Variants in GRIA2 observed in about 807,000 individuals in gnomAD.
The protein encoded by GRIA2 is glutamate receptor 2.
A neutral mutation model predicts 97.3 loss-of-function variants in GRIA2; 14 were observed. That is an observed-to-expected ratio of 0.14 (90% CI 0.10 to 0.23). The LOEUF is 0.23. GRIA2 is among the 10% of genes least tolerant of loss of function. The pLI is 1.00. For synonymous variants in GRIA2, 412 were observed against 387.8 expected, an observed-to-expected ratio of 1.06 and a Z score of -0.73; for missense variants, 558 against 1,069.8, an observed-to-expected ratio of 0.52 and a Z score of 6.67.
chr4:157,332,352 G>A (rs968983562), intron 6 of GRIA2, among the ~76,000 whole-genome samples: 3 of 152,016 alleles, frequency 2.0e-5, no homozygotes, highest in African/African-American at 7.2e-5. Flanking sequence ...GCAGATCAGT[G>A]TGAACATGAC....
At position 157,361,664 on chromosome 4, in the gene GRIA2, C is replaced by A; in HGVS notation, c.2406+540C>A. ...ACTCTGGAAGTAAGGTCAGTTGCTG[C>A]AGGTTTTATGTGAAAAAACAAAATC... On this transcript the variant is annotated intron_variant, in intron 14 of 15. Transcript: ENST00000264426. This position sits in a 1 kb window ranked among gnomAD's most constrained non-coding sequence, Gnocchi z 5.2. The A allele has an allele frequency of 6.3e-7, 1 of 1,579,472 alleles. No homozygotes were observed.
intron 2 of GRIA2, among the ~76,000 whole-genome samples, chr4:157,299,472 T>C (rs1469796605): frequency 6.6e-6 from 1 of 152,110 alleles, no homozygotes; most frequent in Non-Finnish European, 1.5e-5. Flanking sequence ...CTTATAAATC[T>C]AAAATATGTA....
chr4:157,275,958 A>G (rs1238704753), intron 2 of GRIA2, among the ~76,000 whole-genome samples: 1 of 152,146 alleles, frequency 6.6e-6, no homozygotes, highest in African/African-American at 2.4e-5. Flanking sequence ...CTTGGGCAGT[A>G]TGGCCATTTT....
chr4:157,224,164 C>A (rs1235087969), intron 2 of GRIA2, among the ~76,000 whole-genome samples: 1 of 152,106 alleles, frequency 6.6e-6, no homozygotes, highest in African/African-American at 2.4e-5. Context: ...TTTTCCCCTC[C>A]TCAGGAAGTG....
intron 2 of GRIA2, among the ~76,000 whole-genome samples, chr4:157,240,305 C>T (rs1730446831): frequency 6.6e-6 from 1 of 152,010 alleles, no homozygotes; most frequent in Non-Finnish European, 1.5e-5. Flanking sequence ...TATTTCTATT[C>T]CTCAGAATAC....
intron 2 of GRIA2, among the ~76,000 whole-genome samples, chr4:157,242,441 A>G (rs1463146178): frequency 2.6e-5 from 4 of 152,072 alleles, no homozygotes; most frequent in African/African-American, 9.7e-5. Flanking sequence ...CATGTGAATA[A>G]TATGTTTATG....
intron 12 of GRIA2, among the ~76,000 whole-genome samples, chr4:157,354,681 A>G (rs1406940200): frequency 6.6e-6 from 1 of 152,166 alleles, no homozygotes; most frequent in East Asian, 1.9e-4. Context: ...AGAAATCAAG[A>G]GAAACTACCA....
chr4:157,328,579 G>T (rs1734910211), intron 6 of GRIA2, among the ~76,000 whole-genome samples: 1 of 151,988 alleles, frequency 6.6e-6, no homozygotes, highest in Non-Finnish European at 1.5e-5. Flanking sequence ...CAAAATAAAA[G>T]ATCTGCTTCT....
chr4:157,362,879 G>A lies in GRIA2; in HGVS notation c.2487G>A (p.Leu829=). 1 of 1,613,528 alleles carries A rather than the reference G, an allele frequency of 6.2e-7. No homozygotes were observed. The highest frequency in any genetic ancestry group is 8.5e-7 in the Non-Finnish European group (1 of 1,179,644). Residue 829 remains leucine (L), a synonymous_variant, in exon 15 of 16, where the codon CTG becomes CTA. Coordinates refer to ENST00000264426, the MANE Select transcript of GRIA2 (RefSeq NM_001083619.3). ...TCGGGGGCCTTGGTTTGGCAATGCT[G>A]GTGGCTTTGATTGAGTTCTGTTACA... is the stretch of plus-strand genomic sequence containing the variant. ...ILVGGLGLAM[L]VALIEFCYKS...
rs1444070776 is a variant in GRIA2 at position 157,363,047 on chromosome 4, G to C, written c.*3G>C. ...GCATCGAAAGTGTTAAAATTTAGGG[G>C]GTAGGAACGAGGCTCTAATACAAAC... On this transcript the variant is annotated splice_region_variant and 3_prime_UTR_variant, in exon 15 of 16. Coordinates refer to ENST00000264426, the MANE Select transcript of GRIA2 (RefSeq NM_001083619.3). 6.2e-7 allele frequency: 1 copy of C among 1,606,968 alleles called. No homozygotes were observed. Among genetic ancestry groups the C allele is most frequent in the Admixed American group, 1.7e-5 (1 of 59,478 alleles).
rs1170921560 is a variant in GRIA2, at chr4:157,363,438, A to G, written c.*7A>G. 4.8e-6 allele frequency: 6 copies of G among 1,243,624 alleles called. No homozygotes were observed. Among genetic ancestry groups the G allele is most frequent in the Non-Finnish European group, 6.0e-6 (6 of 992,546 alleles). The allele number at this position is 1,243,624 out of a possible 1,614,324, so 77.0% of individuals were successfully genotyped here. ...TTTCCCTCCTCTCTCATTTAAGATG[A>G]CCTTGAATGATGCCATGAGGAACAA... On this transcript the variant is annotated 3_prime_UTR_variant, in exon 16 of 16. Transcript: ENST00000264426.
intron 2 of GRIA2, among the ~76,000 whole-genome samples, chr4:157,253,799 C>T (rs1263793665): frequency 6.6e-6 from 1 of 152,066 alleles, no homozygotes; most frequent in Admixed American, 6.6e-5. Flanking sequence ...AGTGCTGAGA[C>T]AAGCTCATTA....
chr4:157,242,338 AT>A (rs1730546253), intron 2 of GRIA2, among the ~76,000 whole-genome samples: 1 of 152,002 alleles, frequency 6.6e-6, no homozygotes, highest in African/African-American at 2.4e-5. Flanking sequence ...TCAGGATTTT[AT>A]TGTTTATTGT....
At chr4:157,334,925 T>G (rs1735214371) in intron 9 of GRIA2, 1 of 152,182 alleles carries the variant, frequency 6.6e-6, no homozygotes, top group Non-Finnish European at 1.5e-5. Flanking sequence ...AAGTGCAAAT[T>G]AGACATTTGA....
intron 2 of GRIA2, among the ~76,000 whole-genome samples, chr4:157,279,592 G>A (rs1261128003): frequency 6.6e-6 from 1 of 152,048 alleles, no homozygotes; most frequent in Non-Finnish European, 1.5e-5. Context: ...AGTATTATTA[G>A]CAATTTCTTG....
intron 2 of GRIA2, among the ~76,000 whole-genome samples, chr4:157,229,312 A>C (rs1432231926): frequency 1.3e-5 from 2 of 152,016 alleles, no homozygotes; most frequent in Non-Finnish European, 2.9e-5. Flanking sequence ...CTTGGGTGAA[A>C]CACCTTGTTA....
At chr4:157,263,744 A>C (rs182180145) in intron 2 of GRIA2, among the ~76,000 whole-genome samples, 70 of 152,152 alleles carry the variant, frequency 4.6e-4, no homozygotes, top group African/African-American at 1.6e-3. Flanking sequence ...AGTCAATGAG[A>C]ATCTTATTAT....
intron 2 of GRIA2, among the ~76,000 whole-genome samples, chr4:157,254,215 T>C (rs1232363553): frequency 6.6e-6 from 1 of 151,984 alleles, no homozygotes; most frequent in Non-Finnish European, 1.5e-5. Context: ...TAGATAATTA[T>C]CTGGAAAAAA....
Position 157,363,529 on chromosome 4 carries a change from A to G in GRIA2, c.*98A>G, listed in dbSNP as rs755893358. The stretch of plus-strand genomic sequence containing the variant: ...CGTGTTATGACTCCAGAATTTCCCA[A>G]AGCAGTGCATGCTGTCCCTTACGTG... On this transcript the variant is annotated 3_prime_UTR_variant, in exon 16 of 16. Coordinates refer to ENST00000264426, the MANE Select transcript of GRIA2 (RefSeq NM_001083619.3). 7 of 1,238,306 alleles carry G rather than the reference A, an allele frequency of 5.7e-6. No individual in the cohort carries two copies. Among genetic ancestry groups the G allele is most frequent in the Non-Finnish European group, 7.1e-6 (7 of 990,064 alleles). The allele number at this position is 1,238,306 out of a possible 1,614,324, so 76.7% of individuals were successfully genotyped here.
Sources: allele counts gnomAD v4.1 joint callset (sites outside exome capture counted in the v4.1 genomes callset), GRCh38; gene constraint gnomAD v4.1.1; non-coding constraint Gnocchi (gnomAD v3.1); transcripts MANE v1.5; gene names NCBI Gene and HGNC (gene_info 2026-07-23, HGNC 2026-07-21).